KYAT3: variants seen among roughly 807,000 people sequenced by gnomAD.
KYAT3 encodes kynurenine--oxoglutarate transaminase 3.
In KYAT3, 50 loss-of-function variants were observed where a neutral mutation model predicts 59.0. That is an observed-to-expected ratio of 0.85 (90% CI 0.68 to 1.07). KYAT3 has a LOEUF of 1.07. Ranked by LOEUF, KYAT3 falls within the 50% of genes least tolerant of loss-of-function variation. KYAT3 has a pLI of 0.00. For synonymous variants in KYAT3, 148 were observed against 177.0 expected, an observed-to-expected ratio of 0.84 and a Z score of 1.30; for missense variants, 497 against 533.3, an observed-to-expected ratio of 0.93 and a Z score of 0.67.
At chr1:88,932,925 G>A (rs1570762771), downstream of KYAT3, among the ~76,000 whole-genome samples, 2 of 152,018 alleles carry the variant, frequency 1.3e-5, no homozygotes, top group African/African-American at 4.8e-5. Flanking sequence ...CTCCCCCTTG[G>A]TTATTCCATC....
chr1:88,964,814 T>C lies in KYAT3; in HGVS notation c.453+15A>G, dbSNP rs1233771415. The C allele has an allele frequency of 6.4e-7, 1 of 1,563,502 alleles. No individual in the cohort carries two copies. The highest frequency in any genetic ancestry group is 8.7e-7 in the Non-Finnish European group (1 of 1,148,746). ...TTGATTAATATGGGTATTACGATAA[T>C]GTTAATATACTTACTTCATCTCCCT... On this transcript the variant is annotated intron_variant, in intron 5 of 13. Transcript: ENST00000260508.
At chr1:88,973,960 GATATCTGTGTAGTATGGGCTGTGA>G (rs1325435697) in intron 2 of KYAT3, among the ~76,000 whole-genome samples, 11 of 152,136 alleles carry the variant, frequency 7.2e-5, no homozygotes. Flanking sequence ...TGAGGCTGTG[GATATCTGTGTAGTATGGGCTGTGA>G]ATCAAGTCTT....
At chr1:88,947,822 C>T (rs1570780821) in intron 11 of KYAT3, among the ~76,000 whole-genome samples, 1 of 152,218 alleles carries the variant, frequency 6.6e-6, no homozygotes, top group Admixed American at 6.5e-5. Context: ...CAGCCAGTGG[C>T]TCATGCCTGT....
chr1:88,946,402 A>T (rs961655065), intron 11 of KYAT3, among the ~76,000 whole-genome samples: 1 of 151,936 alleles, frequency 6.6e-6, no homozygotes, highest in Non-Finnish European at 1.5e-5. Flanking sequence ...GGCTCAAGCA[A>T]TCCTCCCGCC....
intron 2 of KYAT3, among the ~76,000 whole-genome samples, chr1:88,972,447 A>G (rs556889335): frequency 1.3e-5 from 2 of 152,366 alleles, no homozygotes; most frequent in African/African-American, 4.8e-5. Flanking sequence ...TATCTGATGA[A>G]TGAATTTTTT....
chr1:88,987,626 T>A (rs956103099), intron 2 of KYAT3, among the ~76,000 whole-genome samples: 1 of 152,214 alleles, frequency 6.6e-6, no homozygotes, highest in African/African-American at 2.4e-5. Context: ...GATTCAGTAA[T>A]TCTCAAGATT....
At chr1:88,928,060 C>T in the KYAT3 span, among the ~76,000 whole-genome samples, 1 of 152,088 alleles carries the variant, frequency 6.6e-6, no homozygotes, top group Non-Finnish European at 1.5e-5. Flanking sequence ...TGCTAACTTG[C>T]GCGCTAGAAG....
chr1:88,983,927 CAGTT>C, intron 2 of KYAT3: 14 of 1,398,338 alleles, frequency 1.0e-5, no homozygotes, highest in Non-Finnish European at 1.4e-5. Flanking sequence ...TGGCGGCTGT[CAGTT>C]AGGAGGACTG....
At chr1:88,949,337 T>G in intron 10 of KYAT3, 60 bp from the exon 11 acceptor site, 5 of 1,205,578 alleles carry the variant, frequency 4.1e-6, no homozygotes, top group Non-Finnish European at 5.7e-6. Context: ...TATTGCTTAG[T>G]TTATTGGTAT....
At chr1:88,989,531 A>G (rs535465271) in intron 1 of KYAT3, among the ~76,000 whole-genome samples, 2 of 152,224 alleles carry the variant, frequency 1.3e-5, no homozygotes, top group Non-Finnish European at 2.9e-5. Context: ...TTTGCTGATT[A>G]TGGCGCAGCT....
At chr1:88,945,999 T>A (rs1675427664) in intron 11 of KYAT3, among the ~76,000 whole-genome samples, 1 of 152,212 alleles carries the variant, frequency 6.6e-6, no homozygotes. Context: ...TAAATTAGTA[T>A]TGCATATAGA....
At chr1:88,988,036 G>T (rs1677569726) in intron 2 of KYAT3, among the ~76,000 whole-genome samples, 1 of 152,176 alleles carries the variant, frequency 6.6e-6, no homozygotes, top group Admixed American at 6.5e-5. Flanking sequence ...ATGAGGTAAT[G>T]AATATATAAT....
the KYAT3 span, among the ~76,000 whole-genome samples, chr1:88,924,551 C>T: frequency 1.3e-5 from 2 of 152,242 alleles, no homozygotes; most frequent in Non-Finnish European, 2.9e-5. Flanking sequence ...TGGGTCCCCT[C>T]CCTTCGTATG....
intron 2 of KYAT3, chr1:88,983,960 A>G: frequency 2.1e-6 from 2 of 962,360 alleles, no homozygotes; most frequent in South Asian, 1.4e-5. Flanking sequence ...AGCCGCTAGC[A>G]CTACTGCGCA....
Position 88,964,996 on chromosome 1 carries a change from A to G in KYAT3, c.304-18T>C, listed in dbSNP as rs758038768. The G allele has an allele frequency of 1.1e-5, 17 of 1,581,386 alleles. No homozygotes were observed. The African/African-American group carries it at 1.4e-4, about 13-fold the overall frequency. On this transcript the variant is annotated intron_variant, in intron 4 of 13. Coordinates refer to ENST00000260508, the MANE Select transcript of KYAT3 (RefSeq NM_001008661.3). Reference sequence around the variant, plus strand: ...GGATGGCCCTGTTGGATTAAAAATAAGAACAAAACCTTGAATTTAAATATG... The same window carrying G: ...GGATGGCCCTGTTGGATTAAAAATAGGAACAAAACCTTGAATTTAAATATG...
At position 88,936,183 on chromosome 1, in the gene KYAT3, T is replaced by C; in HGVS notation, c.1365A>G (p.Ter455TrpextTer27). The C allele has an allele frequency of 6.2e-7, 1 of 1,605,316 alleles. No homozygotes were observed. The highest frequency in any genetic ancestry group is 2.2e-5 in the East Asian group (1 of 44,732). Residue 455 changes from the stop codon to tryptophan, a stop_lost, in exon 14 of 14, where the codon TGA becomes TGG. Coordinates refer to ENST00000260508, the MANE Select transcript of KYAT3 (RefSeq NM_001008661.3). ...GAAACATTAATCCATTCTGCACAAA[T>C]CAAGACTTCTGTACACTCCATGCCT... ...IIKAWSVQKS[*>W]
rs369930243 is a variant in KYAT3 at position 88,962,043 on chromosome 1, A to G, written c.540+16T>C. On this transcript the variant is annotated intron_variant, in intron 6 of 13. Transcript: ENST00000260508. ...GTCTTGAAACTTTGCCATATGAACC[A>G]TACTGGCAAACTTACAGATCTCAGG... 7.5e-6 allele frequency: 12 copies of G among 1,591,176 alleles called. No individual in the cohort carries two copies. The African/African-American group carries it at 1.1e-4, about 14-fold the overall frequency.
the KYAT3 span, among the ~76,000 whole-genome samples, chr1:88,925,197 G>A: frequency 6.6e-6 from 1 of 152,228 alleles, no homozygotes; most frequent in African/African-American, 2.4e-5. Context: ...GAGAAACCAA[G>A]GGCCGACTAG....
chr1:88,944,564 A>G (rs749222902), intron 11 of KYAT3, among the ~76,000 whole-genome samples: 1 of 152,234 alleles, frequency 6.6e-6, no homozygotes, highest in Non-Finnish European at 1.5e-5. Flanking sequence ...AGGTAATGAT[A>G]ATCCTCTGTT....
Sources: allele counts gnomAD v4.1 joint callset (sites outside exome capture counted in the v4.1 genomes callset), GRCh38; gene constraint gnomAD v4.1.1; transcripts MANE v1.5; gene names NCBI Gene and HGNC (gene_info 2026-07-23, HGNC 2026-07-21).